The following SLC39A11 variants were observed in gnomAD, a reference collection of about 807,000 sequenced individuals.
SLC39A11 encodes zinc transporter ZIP11.
In SLC39A11, 33 loss-of-function variants were observed where a neutral mutation model predicts 36.1. That is an observed-to-expected ratio of 0.91 (90% confidence interval 0.69 to 1.22). The LOEUF (loss-of-function observed/expected upper bound fraction) is 1.22, where lower values mean the gene tolerates loss of function less well. SLC39A11 is among the 50% of genes most tolerant of loss of function. SLC39A11 has a pLI of 0.00. For missense variants in SLC39A11, 432 were observed against 430.3 expected, an observed-to-expected ratio of 1.00 and a Z score of -0.03; for synonymous variants, 166 against 170.3, an observed-to-expected ratio of 0.97 and a Z score of 0.20.
At position 73,052,529 on chromosome 17, in the gene SLC39A11, G is replaced by A. The variant is rs188628800; in HGVS notation, c.148-20815C>T. The stretch of plus-strand genomic sequence containing the variant: ...CAACTAATAAGACTAATAAAGAGAG[G>A]ACAGAGGACCAGCCAGGGGAACTAT... On this transcript the variant is annotated intron_variant, in intron 3 of 9. Coordinates refer to ENST00000255559, the MANE Select transcript of SLC39A11 (RefSeq NM_139177.4). Among the ~76,000 whole-genome samples, 16 of 152,208 alleles carry A rather than the reference G, an allele frequency of 1.1e-4. No individual in the cohort carries two copies. The East Asian group carries it at 2.3e-3, about 22-fold the overall frequency.
At chr17:72,918,996 G>A (rs1474455019) in intron 5 of SLC39A11, among the ~76,000 whole-genome samples, 1 of 152,164 alleles carries the variant, frequency 6.6e-6, no homozygotes, top group Non-Finnish European at 1.5e-5. Flanking sequence ...AGGGGAGGCT[G>A]AGGTTGCAGT....
chr17:72,745,188 T>G (rs1372271778), intron 6 of SLC39A11, among the ~76,000 whole-genome samples: 1 of 152,154 alleles, frequency 6.6e-6, no homozygotes, highest in African/African-American at 2.4e-5. Context: ...CACCTGACAT[T>G]TATGGGCATT....
intron 5 of SLC39A11, among the ~76,000 whole-genome samples, chr17:72,910,721 G>A (rs1244922548): frequency 6.7e-6 from 1 of 150,370 alleles, no homozygotes. Flanking sequence ...CAGGCCAGGA[G>A]TTCAAGACCA....
chr17:72,881,210 T>C (rs1483535638), intron 5 of SLC39A11, among the ~76,000 whole-genome samples: 5 of 152,156 alleles, frequency 3.3e-5, no homozygotes, highest in Non-Finnish European at 5.9e-5. Flanking sequence ...TGTACACAAA[T>C]ATTTGTTGCA....
chr17:72,688,328 C>T (rs1230937379), intron 7 of SLC39A11, among the ~76,000 whole-genome samples: 1 of 152,228 alleles, frequency 6.6e-6, no homozygotes, highest in African/African-American at 2.4e-5. Context: ...AGTGGCCAAG[C>T]ATTATGGCAG....
intron 5 of SLC39A11, among the ~76,000 whole-genome samples, chr17:72,862,035 G>C (rs1274175683): frequency 6.6e-6 from 1 of 151,878 alleles, no homozygotes; most frequent in Non-Finnish European, 1.5e-5. Context: ...CCAAAACCAT[G>C]AATCAACCCA....
At position 73,083,015 on chromosome 17, in the gene SLC39A11, C is replaced by CA. The variant is rs34607510; in HGVS notation, c.147+1792dup. On this transcript the variant is annotated intron_variant, in intron 3 of 9. Coordinates refer to ENST00000255559, the MANE Select transcript of SLC39A11 (RefSeq NM_139177.4). ...TGGACAACAGAGGGAGACTCCATTT[C>CA]AAAAAAAAAAAAAAAAAAAATGGAC... Among the ~76,000 whole-genome samples, 83 of 89,754 alleles carry CA rather than the reference C, an allele frequency of 9.2e-4. 3 individuals carry two copies. The highest frequency in any genetic ancestry group is 1.3e-3 in the South Asian group (3 of 2,388). 58.9% of individuals were successfully genotyped at this position (89,754 alleles called of 152,430 possible). A position where few individuals can be genotyped will look rare whatever the true frequency, so the allele number is the denominator to read the frequency against.
chr17:72,982,964 G>C (rs997593875), intron 4 of SLC39A11, among the ~76,000 whole-genome samples: 5 of 152,208 alleles, frequency 3.3e-5, no homozygotes, highest in Admixed American at 6.5e-5. Flanking sequence ...TCCAGGCAAG[G>C]TCAACTCAGA....
intron 5 of SLC39A11, among the ~76,000 whole-genome samples, chr17:72,899,984 A>AGGAAAGAGAGAGAGAG (rs2082238854): frequency 8.7e-6 from 1 of 115,144 alleles, no homozygotes; most frequent in Non-Finnish European, 1.7e-5. Flanking sequence ...GAGAGAGAGA[A>AGGAAAGAGAGAGAGAG]AGAAAGAGAG....
intron 6 of SLC39A11, among the ~76,000 whole-genome samples, chr17:72,788,004 C>T (rs142229971): frequency 2.0e-5 from 3 of 152,242 alleles, no homozygotes; most frequent in Admixed American, 2.0e-4. Flanking sequence ...CCTCCCTGGA[C>T]TGTAAATCCC....
intron 4 of SLC39A11, among the ~76,000 whole-genome samples, chr17:72,998,245 G>A (rs1318883318): frequency 6.6e-6 from 1 of 152,082 alleles, no homozygotes; most frequent in East Asian, 1.9e-4. Flanking sequence ...CTTTTAACGA[G>A]GATAGGATGT....
intron 7 of SLC39A11, among the ~76,000 whole-genome samples, chr17:72,660,888 T>C (rs1405945397): frequency 6.6e-6 from 1 of 152,148 alleles, no homozygotes; most frequent in Non-Finnish European, 1.5e-5. Flanking sequence ...TCTCCAGACA[T>C]GGCCAAATGT....
intron 6 of SLC39A11, among the ~76,000 whole-genome samples, chr17:72,786,360 AT>A (rs2076515274): frequency 6.6e-6 from 1 of 152,178 alleles, no homozygotes; most frequent in African/African-American, 2.4e-5. Context: ...TGCCAACAAA[AT>A]TTTACACTTA....
chr17:72,854,216 C>A (rs568105428), intron 5 of SLC39A11, among the ~76,000 whole-genome samples: 1 of 151,890 alleles, frequency 6.6e-6, no homozygotes, highest in East Asian at 1.9e-4. Flanking sequence ...CCAGGTCACA[C>A]AGCCAGTCTG....
chr17:73,011,180 G>A (rs1018763649), intron 4 of SLC39A11, among the ~76,000 whole-genome samples: 1 of 152,228 alleles, frequency 6.6e-6, no homozygotes, highest in Non-Finnish European at 1.5e-5. Flanking sequence ...AGCCTTGTGG[G>A]GAAGAAATGC....
chr17:72,775,262 A>G (rs1043791468), intron 6 of SLC39A11, among the ~76,000 whole-genome samples: 4 of 152,172 alleles, frequency 2.6e-5, no homozygotes, highest in African/African-American at 9.7e-5. Context: ...CAGGCTGCTG[A>G]GGTGCCCCAC....
chr17:72,947,981 C>G (rs1470866603), intron 4 of SLC39A11, 106 bp from the exon 5 acceptor site: 12 of 1,439,516 alleles, frequency 8.3e-6, no homozygotes, highest in Non-Finnish European at 1.1e-5. Flanking sequence ...CTACCAAGAC[C>G]GCCACAGCTG....
chr17:72,815,214 G>C (rs551313583), intron 6 of SLC39A11, among the ~76,000 whole-genome samples: 1 of 152,286 alleles, frequency 6.6e-6, no homozygotes, highest in East Asian at 1.9e-4. Context: ...GCTGTCTATG[G>C]AATCACCCAG....
Position 72,647,050 on chromosome 17 carries a change from C to T in SLC39A11, c.*534G>A, listed in dbSNP as rs2069592179. The T allele has an allele frequency of 1.3e-5, 2 of 151,674 alleles. No individual in the cohort carries two copies. The highest frequency in any genetic ancestry group is 4.2e-4 in the South Asian group (2 of 4,770). The allele number at this position is 151,674 out of a possible 1,614,324, so 9.4% of individuals were successfully genotyped here. A position where few individuals can be genotyped will look rare whatever the true frequency, so the allele number is the denominator to read the frequency against. ...TTAGGGGGAGGTAAAGGAAGACATG[C>T]TCCTCTCTGGGCTGGCTCGGCCTTG... is the stretch of plus-strand genomic sequence containing the variant. On this transcript the variant is annotated 3_prime_UTR_variant, in exon 10 of 10. Coordinates refer to ENST00000255559, the MANE Select transcript of SLC39A11 (RefSeq NM_139177.4).
Sources: gnomAD v4.1 joint callset for allele counts (sites outside exome capture counted in the v4.1 genomes callset) on GRCh38, gnomAD v4.1.1 for gene constraint, MANE v1.5 for transcripts, NCBI Gene and HGNC (gene_info 2026-07-23, HGNC 2026-07-21) for gene names.